The following ZNF277 variants were observed in gnomAD, a reference collection of about 807,000 sequenced individuals.
ZNF277 encodes the protein nuclear receptor-interacting factor 4.
ZNF277 carries 55 observed loss-of-function variants against 60.7 expected under a neutral mutation model. The observed-to-expected ratio is 0.91, with a 90% confidence interval of 0.73 to 1.13. ZNF277 has a LOEUF of 1.13. Among genes scored for constraint, ZNF277 ranks in the 50% most tolerant of loss-of-function variants. The pLI is 0.00. For missense variants in ZNF277, 510 were observed against 523.0 expected (o/e 0.98, Z 0.24); for synonymous variants, 178 against 179.3 (o/e 0.99, Z 0.06).
intron 6 of ZNF277, chr7:112,328,429 T>C (rs1186996254): frequency 6.6e-6 from 1 of 152,164 alleles, no homozygotes; most frequent in Non-Finnish European, 1.5e-5. Flanking sequence ...ATTCTTTAGG[T>C]CACCAAAATG....
At chr7:112,229,085 G>A (rs1350277104) in intron 1 of ZNF277, among the ~76,000 whole-genome samples, 1 of 152,158 alleles carries the variant, frequency 6.6e-6, no homozygotes, top group African/African-American at 2.4e-5. Context: ...TTAGTGACAT[G>A]GAAAGAAGTC....
intron 1 of ZNF277, among the ~76,000 whole-genome samples, chr7:112,269,625 G>C (rs1305614325): frequency 6.6e-6 from 1 of 152,060 alleles, no homozygotes; most frequent in African/African-American, 2.4e-5. Flanking sequence ...CACTAAAGAG[G>C]ATGCCTTGGT....
chr7:112,227,831 C>A (rs987300178), intron 1 of ZNF277, among the ~76,000 whole-genome samples: 1 of 151,910 alleles, frequency 6.6e-6, no homozygotes, highest in Non-Finnish European at 1.5e-5. Flanking sequence ...TAGCTTTAAT[C>A]ATATTATCCT....
chr7:112,299,003 G>A (rs1461125264), intron 4 of ZNF277, among the ~76,000 whole-genome samples: 1 of 152,094 alleles, frequency 6.6e-6, no homozygotes, highest in Non-Finnish European at 1.5e-5. Flanking sequence ...TGTAGGGAGG[G>A]GATTCAGGCT....
chr7:112,218,802 C>T (rs1563194359), intron 1 of ZNF277, among the ~76,000 whole-genome samples: 3 of 152,154 alleles, frequency 2.0e-5, no homozygotes, highest in Non-Finnish European at 2.9e-5. Flanking sequence ...TTCCTTCTTT[C>T]GTAAGGCTGA....
chr7:112,319,233 C>G (rs56696536), intron 5 of ZNF277, among the ~76,000 whole-genome samples: 35,270 of 151,966 alleles, frequency 0.23, 5,599 homozygotes, highest in East Asian at 0.65. Flanking sequence ...TCCCAACCCT[C>G]TAATCATATG....
chr7:112,305,499 G>A (rs543872002), intron 4 of ZNF277, among the ~76,000 whole-genome samples: 1 of 151,710 alleles, frequency 6.6e-6, no homozygotes, highest in East Asian at 1.9e-4. Context: ...TTCCTTTCTC[G>A]GGGGTAGGAA....
rs955867705 is a variant in ZNF277 at position 112,319,777 on chromosome 7, G to A, written c.557+1504G>A. ...ACCAGTGGTAAAGGTTTGATTCTCA[G>A]ATCAGTTAGCATAGAGAAAAATCGG... On this transcript the variant is annotated intron_variant, in intron 5 of 11. Transcript: ENST00000361822. Among the ~76,000 whole-genome samples the A allele has an allele frequency of 2.0e-5, 3 of 151,308 alleles. No homozygotes were observed. The South Asian group carries it at 6.2e-4, about 31-fold the overall frequency.
chr7:112,283,304 GC>G (rs1791988780), intron 1 of ZNF277, among the ~76,000 whole-genome samples: 1 of 152,196 alleles, frequency 6.6e-6, no homozygotes, highest in African/African-American at 2.4e-5. Context: ...AAGGCAGGAG[GC>G]TCACTTAAGG....
At chr7:112,337,012 A>G (rs565843172) in intron 8 of ZNF277, among the ~76,000 whole-genome samples, 9 of 152,274 alleles carry the variant, frequency 5.9e-5, no homozygotes, top group African/African-American at 1.9e-4. Context: ...GGTTAGGTTG[A>G]TCTTGAGAGT....
intron 5 of ZNF277, among the ~76,000 whole-genome samples, chr7:112,325,624 C>T (rs763218364): frequency 1.3e-5 from 2 of 152,156 alleles, no homozygotes; most frequent in East Asian, 1.9e-4. Context: ...CAAGCCTAGG[C>T]TCACACATGG....
chr7:112,266,786 CG>C (rs1179253122), intron 1 of ZNF277, among the ~76,000 whole-genome samples: 1 of 151,924 alleles, frequency 6.6e-6, no homozygotes, highest in Non-Finnish European at 1.5e-5. Flanking sequence ...TGGTTTTTTT[CG>C]GTTTCGAAAT....
intron 2 of ZNF277, among the ~76,000 whole-genome samples, chr7:112,292,103 T>C (rs1426922630): frequency 6.6e-6 from 1 of 152,196 alleles, no homozygotes; most frequent in Non-Finnish European, 1.5e-5. Context: ...CCCATGATTC[T>C]AAGTTAATTG....
intron 1 of ZNF277, among the ~76,000 whole-genome samples, chr7:112,227,586 T>G (rs1161703084): frequency 2.6e-5 from 4 of 152,196 alleles, no homozygotes; most frequent in Admixed American, 6.5e-5. Context: ...CAGTTCACCA[T>G]GTAGGGAGAA....
intron 4 of ZNF277, among the ~76,000 whole-genome samples, chr7:112,309,901 A>G (rs2007815119): frequency 6.6e-6 from 1 of 152,066 alleles, no homozygotes; most frequent in African/African-American, 2.4e-5. Context: ...AATCAGAACA[A>G]GTCAAACAGA....
At chr7:112,230,347 T>C (rs1388392090) in intron 1 of ZNF277, among the ~76,000 whole-genome samples, 3 of 152,310 alleles carry the variant, frequency 2.0e-5, no homozygotes, top group Admixed American at 6.5e-5. Context: ...ATTGGACATG[T>C]TCCTTATGTA....
At chr7:112,305,356 T>G (rs1792565482) in intron 4 of ZNF277, among the ~76,000 whole-genome samples, 1 of 152,026 alleles carries the variant, frequency 6.6e-6, no homozygotes, top group Non-Finnish European at 1.5e-5. Context: ...GCTAAAGACA[T>G]GTAGAGTAAT....
rs370604955 is a variant in ZNF277, at chr7:112,207,541, T to C, written c.91+734T>C. On this transcript the variant is annotated intron_variant, in intron 1 of 11. Coordinates refer to ENST00000361822, the MANE Select transcript of ZNF277 (RefSeq NM_021994.3). ...CATCACAACTTTGGCTGTACCTGAC[T>C]TTCAGGTTGTCCTCTGATCCACTGT... is the stretch of plus-strand genomic sequence containing the variant. Among the ~76,000 whole-genome samples the C allele has an allele frequency of 7.2e-5, 11 of 152,298 alleles. No homozygotes were observed. The East Asian group carries it at 2.1e-3, about 29-fold the overall frequency.
At chr7:112,248,282 G>C (rs1791126994) in intron 1 of ZNF277, among the ~76,000 whole-genome samples, 1 of 150,940 alleles carries the variant, frequency 6.6e-6, no homozygotes. Flanking sequence ...ATCTGGGAGA[G>C]TGGATGTGGC....
Sources: allele counts gnomAD v4.1 joint callset (sites outside exome capture counted in the v4.1 genomes callset), GRCh38; gene constraint gnomAD v4.1.1; transcripts MANE v1.5; gene names NCBI Gene and HGNC (gene_info 2026-07-23, HGNC 2026-07-21).